The following EPYC variants were observed in gnomAD, a reference collection of about 807,000 sequenced individuals.
The protein encoded by EPYC is epiphycan.
Under a neutral mutation model 30.1 loss-of-function variants are expected in EPYC, and 28 were observed. That is an observed-to-expected ratio of 0.93 (90% CI 0.69 to 1.28). The LOEUF is 1.28. Among genes scored for constraint, EPYC ranks in the 50% most tolerant of loss-of-function variants. The pLI, the probability that EPYC is intolerant of heterozygous loss-of-function variation, is 0.00. For missense variants in EPYC, 382 were observed against 383.5 expected, an observed-to-expected ratio of 1.00 and a Z score of 0.03; for synonymous variants, 144 against 141.4, an observed-to-expected ratio of 1.02 and a Z score of -0.13.
intron 3 of EPYC, among the ~76,000 whole-genome samples, chr12:90,974,042 A>T (rs1384774982): frequency 7.2e-6 from 1 of 138,004 alleles, no homozygotes; most frequent in African/African-American, 3.0e-5. Flanking sequence ...ACACACTCAC[A>T]CACACACACA....
At chr12:90,976,231 A>T in intron 3 of EPYC, among the ~76,000 whole-genome samples, 1 of 152,258 alleles carries the variant, frequency 6.6e-6, no homozygotes, top group Non-Finnish European at 1.5e-5. Flanking sequence ...CAGGATGAAC[A>T]AGTTCTAGAG....
chr12:90,966,326 A>AT (rs1876894211), intron 6 of EPYC, among the ~76,000 whole-genome samples: 1 of 151,832 alleles, frequency 6.6e-6, no homozygotes, highest in Non-Finnish European at 1.5e-5. Context: ...TCCTAGTTTT[A>AT]CTTTTTTAGT....
chr12:90,965,768 G>T (rs1357324777), intron 6 of EPYC, among the ~76,000 whole-genome samples: 1 of 151,948 alleles, frequency 6.6e-6, no homozygotes, highest in Non-Finnish European at 1.5e-5. Context: ...TCATGAATAT[G>T]GAATTATGTT....
intron 2 of EPYC, among the ~76,000 whole-genome samples, chr12:90,978,562 T>C (rs1877252098): frequency 6.6e-6 from 1 of 152,072 alleles, no homozygotes; most frequent in Non-Finnish European, 1.5e-5. Flanking sequence ...AAAAAGCTCA[T>C]TTATTGTTTT....
At chr12:90,964,784 G>T (rs1876854526) in intron 6 of EPYC, among the ~76,000 whole-genome samples, 1 of 152,092 alleles carries the variant, frequency 6.6e-6, no homozygotes, top group Non-Finnish European at 1.5e-5. Context: ...CTCAACATTC[G>T]ACATTCAAGT....
chr12:90,970,575 G>A lies in EPYC; in HGVS notation c.703-436C>T, dbSNP rs569991033. Reference sequence around the variant, plus strand: ...CAATGGCCTGGTAGCCCAACTACCAGAAAAGGGCAGCCTAGCAAGACAAAA... The same window carrying A: ...CAATGGCCTGGTAGCCCAACTACCAAAAAAGGGCAGCCTAGCAAGACAAAA... On this transcript the variant is annotated intron_variant, in intron 5 of 6. Transcript: ENST00000261172. 2.6e-4 allele frequency among the ~76,000 whole-genome samples: 39 copies of A among 152,308 alleles called. 2 individuals are homozygous for A. In the South Asian group the frequency reaches 7.9e-3, roughly 31 times the overall value.
chr12:90,972,669 A>C (rs1271615244), intron 4 of EPYC, 153 bp downstream of exon 4: 4 of 653,114 alleles, frequency 6.1e-6, no homozygotes, highest in Non-Finnish European at 9.9e-6. Flanking sequence ...TAATTGTTAA[A>C]GCAAACTCTC....
intron 2 of EPYC, among the ~76,000 whole-genome samples, chr12:91,001,831 C>G (rs1877829220): frequency 6.6e-6 from 1 of 151,872 alleles, no homozygotes; most frequent in Admixed American, 6.6e-5. Context: ...TCTAACTTCA[C>G]AGAAATACAT....
At chr12:90,974,127 G>A (rs1009278546) in intron 3 of EPYC, among the ~76,000 whole-genome samples, 4 of 151,420 alleles carry the variant, frequency 2.6e-5, no homozygotes, top group Admixed American at 1.3e-4. Context: ...GGAGAGGACA[G>A]TAAACTTCTA....
At chr12:90,972,759 A>G (rs892411306) in intron 4 of EPYC, 63 bp downstream of exon 4, 2 of 1,396,612 alleles carry the variant, frequency 1.4e-6, no homozygotes, top group Non-Finnish European at 2.0e-6. Context: ...CTAACATTTA[A>G]CAATGTAAAA....
In EPYC at chr12:90,964,139, C is replaced by T. The variant is rs1244146350; in HGVS notation, c.*17G>A. The T allele has an allele frequency of 4.4e-6, 7 of 1,602,710 alleles. No homozygotes were observed. The highest frequency in any genetic ancestry group is 2.2e-5 in the South Asian group (2 of 89,418). On this transcript the variant is annotated 3_prime_UTR_variant, in exon 7 of 7. Transcript: ENST00000261172. ...TTTATTTATAGTAGCCATCGTAATG[C>T]TAACCATTATCTGAAATTAGACAAG...
Position 90,978,190 on chromosome 12 carries a change from G to A in EPYC, c.238C>T (p.Gln80Ter), listed in dbSNP as rs762101876. Residue 80 changes from glutamine to a stop codon, truncating the protein, a stop_gained, in exon 3 of 7, where the codon CAG becomes TAG. Transcript: ENST00000261172. LOFTEE classifies it high-confidence loss of function. Reference sequence around the variant, plus strand: ...GATTCCTCCTCCTCTTCCTCTTCCTGGGCCTTCTCAGGCTGTGGGGGTGGA... The same window carrying A: ...GATTCCTCCTCCTCTTCCTCTTCCTAGGCCTTCTCAGGCTGTGGGGGTGGA... ...LTPPPQPEKAQEEEEEEESTP... is the reference protein window; with the variant it reads ...LTPPPQPEKA 1.2e-6 allele frequency: 2 copies of A among 1,606,054 alleles called. No homozygotes were observed. The highest frequency in any genetic ancestry group is 1.7e-6 in the Non-Finnish European group (2 of 1,176,608).
intron 2 of EPYC, among the ~76,000 whole-genome samples, chr12:91,002,189 CAAAA>C (rs34987645): frequency 9.5e-5 from 7 of 73,452 alleles, no homozygotes; most frequent in Non-Finnish European, 1.4e-4. Context: ...GACACTGTCT[CAAAA>C]AAAAAAAAAA....
At chr12:90,969,491 T>TAAAGCCCA (rs1464778661) in intron 6 of EPYC, among the ~76,000 whole-genome samples, 8 of 150,476 alleles carry the variant, frequency 5.3e-5, no homozygotes, top group African/African-American at 1.9e-4. Context: ...TTAATGGGCT[T>TAAAGCCCA]TAAAATAACC....
intron 2 of EPYC, among the ~76,000 whole-genome samples, chr12:90,985,751 T>C (rs1188990100): frequency 6.6e-6 from 1 of 152,092 alleles, no homozygotes; most frequent in Non-Finnish European, 1.5e-5. Flanking sequence ...ACAAAGGTTC[T>C]CTGGGCCAGA....
At chr12:90,999,804 T>G (rs565356491) in intron 2 of EPYC, among the ~76,000 whole-genome samples, 1 of 144,546 alleles carries the variant, frequency 6.9e-6, no homozygotes, top group East Asian at 1.9e-4. Flanking sequence ...TTGTGTGCTG[T>G]TTTTTTTGCT....
At chr12:90,969,938 C>A in intron 6 of EPYC, 106 bp downstream of exon 6, 1 of 747,260 alleles carries the variant, frequency 1.3e-6, no homozygotes, top group Non-Finnish European at 2.4e-6. Flanking sequence ...GAAAAGTTAT[C>A]ACAGTGTGTC....
chr12:90,991,495 T>G (rs1877584339), intron 2 of EPYC, among the ~76,000 whole-genome samples: 1 of 151,912 alleles, frequency 6.6e-6, no homozygotes, highest in African/African-American at 2.4e-5. Flanking sequence ...AGTGTTACTT[T>G]TAGCAGATTC....
Position 90,976,139 on chromosome 12 carries a change from CAA to C in EPYC, c.340+1947_340+1948del, listed in dbSNP as rs1592624736. Among the ~76,000 whole-genome samples the C allele has an allele frequency of 2.6e-5, 4 of 152,036 alleles. No homozygotes were observed. In the East Asian group the frequency reaches 5.8e-4, roughly 22 times the overall value. On this transcript the variant is annotated intron_variant, in intron 3 of 6. Coordinates refer to ENST00000261172, the MANE Select transcript of EPYC (RefSeq NM_004950.5). ...ACTTATTGAAGAACAGTTAAAAACT[CAA>C]AGAGGCAAAGAGTAAAATGGTGGTT...
Sources: gnomAD v4.1 joint callset for allele counts (sites outside exome capture counted in the v4.1 genomes callset) on GRCh38, gnomAD v4.1.1 for gene constraint, MANE v1.5 for transcripts, NCBI Gene and HGNC (gene_info 2026-07-23, HGNC 2026-07-21) for gene names.